The following LY96 variants were observed in gnomAD, a reference collection of about 807,000 sequenced individuals.
LY96 encodes myeloid differentiation protein-2.
LY96 carries 18 observed loss-of-function variants against 18.9 expected under a neutral mutation model. The ratio of observed to expected loss-of-function variants is 0.95; its 90% CI spans 0.66 to 1.41. The LOEUF (loss-of-function observed/expected upper bound fraction) is 1.41. Among genes scored for constraint, LY96 ranks in the 40% most tolerant of loss-of-function variants. The pLI is 0.00. For synonymous variants in LY96, 66 were observed against 62.6 expected (o/e 1.06, Z -0.26); for missense variants, 175 against 182.4 (o/e 0.96, Z 0.23).
At chr8:73,998,423 C>G (rs1816195097) in intron 1 of LY96, among the ~76,000 whole-genome samples, 2 of 151,890 alleles carry the variant, frequency 1.3e-5, no homozygotes, top group South Asian at 4.2e-4. Flanking sequence ...TGCCTATAAT[C>G]CTAGTGCTTT....
the LY96 span, among the ~76,000 whole-genome samples, chr8:74,058,688 T>G: frequency 7.6e-4 from 115 of 152,114 alleles, no homozygotes; most frequent in African/African-American, 2.6e-3. Flanking sequence ...CTGGGCTAAT[T>G]CTTGTATTTT....
At chr8:74,097,306 C>A in the LY96 span, among the ~76,000 whole-genome samples, 1 of 152,148 alleles carries the variant, frequency 6.6e-6, no homozygotes, top group African/African-American at 2.4e-5. Flanking sequence ...TGCTCTTAGA[C>A]AATTCACTTT....
intron 3 of LY96, among the ~76,000 whole-genome samples, chr8:74,016,075 A>C (rs1190705623): frequency 2.6e-5 from 4 of 152,238 alleles, no homozygotes; most frequent in Non-Finnish European, 5.9e-5. Context: ...TCACCCAGGA[A>C]GTGCAAGGGG....
At chr8:74,081,050 T>TTCTC in the LY96 span, among the ~76,000 whole-genome samples, 1 of 110,052 alleles carries the variant, frequency 9.1e-6, no homozygotes, top group African/African-American at 4.5e-5. Context: ...TTCTTTCTTT[T>TTCTC]TCTTTCTTTC....
At chr8:74,017,115 A>T (rs1816660052) in intron 3 of LY96, among the ~76,000 whole-genome samples, 1 of 152,238 alleles carries the variant, frequency 6.6e-6, no homozygotes, top group Non-Finnish European at 1.5e-5. Flanking sequence ...GAGCTAAAGG[A>T]GGATGTTCGA....
At chr8:74,020,407 A>G (rs1043116567) in intron 3 of LY96, among the ~76,000 whole-genome samples, 10 of 152,216 alleles carry the variant, frequency 6.6e-5, no homozygotes, top group Non-Finnish European at 1.0e-4. Flanking sequence ...CCACTGCCCA[A>G]CGAAATAAAA....
chr8:74,075,573 T>C, the LY96 span, among the ~76,000 whole-genome samples: 8 of 152,358 alleles, frequency 5.3e-5, no homozygotes, highest in South Asian at 6.2e-4. Flanking sequence ...GCCTGGCTTA[T>C]TGTGGCTTAT....
intron 3 of LY96, among the ~76,000 whole-genome samples, chr8:74,012,672 A>G (rs994344149): frequency 1.3e-5 from 2 of 152,200 alleles, no homozygotes; most frequent in Non-Finnish European, 2.9e-5. Context: ...GTATAAATAA[A>G]TAAATAAAAA....
At chr8:74,042,700 G>C in the LY96 span, among the ~76,000 whole-genome samples, 12 of 152,048 alleles carry the variant, frequency 7.9e-5, no homozygotes, top group Non-Finnish European at 1.5e-5. Flanking sequence ...TTGTACAGAG[G>C]TCTAGGTTCT....
intron 2 of LY96, 133 bp from the exon 3 acceptor site, chr8:74,009,868 T>C: frequency 1.5e-6 from 1 of 679,694 alleles, no homozygotes; most frequent in Non-Finnish European, 2.6e-6. Context: ...TGACATCTTG[T>C]AGATAGTTGT....
chr8:74,090,232 G>A, the LY96 span, among the ~76,000 whole-genome samples: 1 of 152,072 alleles, frequency 6.6e-6, no homozygotes, highest in South Asian at 2.1e-4. Flanking sequence ...ATGAAAAGTG[G>A]TCAGATTCTA....
the LY96 span, among the ~76,000 whole-genome samples, chr8:74,096,345 T>G: frequency 0.015 from 2,216 of 152,318 alleles, 16 homozygotes; most frequent in Middle Eastern, 0.027. Context: ...CCTCTTCCTG[T>G]CACTCATCCA....
At chr8:74,026,930 CT>C in intron 4 of LY96, 89 bp downstream of exon 4, 1 of 696,316 alleles carries the variant, frequency 1.4e-6, no homozygotes, top group Non-Finnish European at 2.5e-6. Flanking sequence ...CAACTTCTTC[CT>C]TTTTCTTTCT....
chr8:74,007,600 G>C (rs1465020699), intron 2 of LY96, among the ~76,000 whole-genome samples: 1 of 152,128 alleles, frequency 6.6e-6, no homozygotes, highest in Non-Finnish European at 1.5e-5. Flanking sequence ...GATATCTTTT[G>C]AGATGTCATA....
rs754571138 is a variant in LY96, at chr8:74,004,802, T to C, written c.119T>C (p.Met40Thr). Residue 40 changes from methionine (M) to threonine (T), a missense_variant, in exon 2 of 5, where the codon ATG becomes ACG. Met to Thr is a moderately conservative substitution (Grantham distance 81, BLOSUM62 -1). Coordinates refer to ENST00000284818, the MANE Select transcript of LY96 (RefSeq NM_015364.5). ...ASISYTYCDK[M>T]QYPISINVNP... is the part of the protein sequence containing the mutation. ...TTATCTTTATTGCTTTTAGATAAAATGCAATACCCAATTTCAATTAATGTT... is the reference window on the plus strand; with the variant it reads ...TTATCTTTATTGCTTTTAGATAAAACGCAATACCCAATTTCAATTAATGTT... 6.4e-7 allele frequency: 1 copy of C among 1,568,920 alleles called. No homozygotes were observed. Among genetic ancestry groups the C allele is most frequent in the East Asian group, 2.3e-5 (1 of 44,194 alleles).
At chr8:74,081,057 TTTCTTTCTTA>T in the LY96 span, among the ~76,000 whole-genome samples, 2 of 134,234 alleles carry the variant, frequency 1.5e-5, no homozygotes, top group African/African-American at 6.8e-5. Context: ...TTTTTCTTTC[TTTCTTTCTTA>T]CTTTCTTTCT....
chr8:74,080,118 GA>G, the LY96 span, among the ~76,000 whole-genome samples: 14 of 152,186 alleles, frequency 9.2e-5, no homozygotes, highest in African/African-American at 3.4e-4. Context: ...GATGATGTTG[GA>G]AGTGTTGTTC....
the LY96 span, among the ~76,000 whole-genome samples, chr8:74,074,541 T>A: frequency 6.6e-6 from 1 of 152,208 alleles, no homozygotes; most frequent in Non-Finnish European, 1.5e-5. Context: ...GGGTCTGGTT[T>A]GCTCTTGCTT....
intron 3 of LY96, among the ~76,000 whole-genome samples, chr8:74,019,618 A>G (rs2131278001): frequency 6.6e-6 from 1 of 152,338 alleles, no homozygotes; most frequent in South Asian, 2.1e-4. Flanking sequence ...ACACAACAAA[A>G]AAAGAGAATT....
Sources: gnomAD v4.1 joint callset for allele counts (sites outside exome capture counted in the v4.1 genomes callset) on GRCh38, gnomAD v4.1.1 for gene constraint, MANE v1.5 for transcripts, NCBI Gene and HGNC (gene_info 2026-07-23, HGNC 2026-07-21) for gene names.